Variants in WWC1 observed in about 807,000 individuals in gnomAD.
WWC1 encodes the protein protein KIBRA.
A neutral mutation model predicts 138.4 loss-of-function variants in WWC1; 55 were observed. The ratio of observed to expected loss-of-function variants is 0.40; its 90% CI spans 0.32 to 0.50. WWC1 has a LOEUF of 0.50. Ranked by LOEUF, WWC1 falls within the 20% of genes least tolerant of loss-of-function variation. The pLI, the probability that WWC1 is intolerant of heterozygous loss-of-function variation, is 0.72. For missense variants in WWC1, 1,226 were observed against 1,420.4 expected, an observed-to-expected ratio of 0.86 and a Z score of 2.20; for synonymous variants, 524 against 564.9, an observed-to-expected ratio of 0.93 and a Z score of 1.03.
chr5:168,302,699 G>C (rs1383138688), intron 1 of WWC1, among the ~76,000 whole-genome samples: 1 of 152,156 alleles, frequency 6.6e-6, no homozygotes, highest in African/African-American at 2.4e-5. Flanking sequence ...TGCAAATATA[G>C]TAGAAATACC....
chr5:168,311,887 A>AAAG (rs1255372187), intron 1 of WWC1, among the ~76,000 whole-genome samples: 1 of 151,656 alleles, frequency 6.6e-6, no homozygotes, highest in African/African-American at 2.4e-5. Context: ...AAAAAAAAAA[A>AAAG]AAATTACAAA....
chr5:168,396,652 T>C (rs1259044125), intron 3 of WWC1, among the ~76,000 whole-genome samples: 1 of 152,236 alleles, frequency 6.6e-6, no homozygotes, highest in Non-Finnish European at 1.5e-5. Flanking sequence ...TTACCAGTTA[T>C]GAGGCTCAGA....
At chr5:168,351,794 G>A (rs113186593) in intron 1 of WWC1, among the ~76,000 whole-genome samples, 3 of 152,208 alleles carry the variant, frequency 2.0e-5, no homozygotes, top group African/African-American at 7.2e-5. Context: ...TGCACCACGT[G>A]CCGCCTGCCC....
intron 1 of WWC1, among the ~76,000 whole-genome samples, chr5:168,350,592 T>C (rs1774866359): frequency 6.6e-6 from 1 of 152,276 alleles, no homozygotes; most frequent in East Asian, 1.9e-4. Context: ...TAAACATTGT[T>C]CTGTTTTTCT....
intron 5 of WWC1, among the ~76,000 whole-genome samples, chr5:168,400,987 GA>G (rs1415633911): frequency 2.0e-5 from 3 of 149,794 alleles, no homozygotes; most frequent in Non-Finnish European, 4.4e-5. Flanking sequence ...TCTCTCCAAA[GA>G]AAGAAAGAAA....
Position 168,306,007 on chromosome 5 carries a change from G to T in WWC1, c.119+13736G>T, listed in dbSNP as rs372744261. Among the ~76,000 whole-genome samples the T allele has an allele frequency of 4.6e-5, 7 of 152,340 alleles. No homozygotes were observed. In the South Asian group the frequency reaches 6.2e-4, roughly 14 times the overall value. ...AAGGGGACAAGTGCCATAGGAATAT[G>T]AGATATTTTAAAACCTAATATGTAT... On this transcript the variant is annotated intron_variant, in intron 1 of 22. Coordinates refer to ENST00000265293, the MANE Select transcript of WWC1 (RefSeq NM_015238.3).
chr5:168,381,739 G>T (rs1777648591), intron 2 of WWC1, among the ~76,000 whole-genome samples: 2 of 149,734 alleles, frequency 1.3e-5, no homozygotes, highest in South Asian at 4.2e-4. Context: ...TCTTCGGGGG[G>T]TGGGGTGGGG....
chr5:168,321,819 G>T (rs1017182187), intron 1 of WWC1, among the ~76,000 whole-genome samples: 3 of 152,264 alleles, frequency 2.0e-5, no homozygotes, highest in Non-Finnish European at 2.9e-5. Flanking sequence ...TTACAGGCGT[G>T]AGCCACGGTG....
intron 13 of WWC1, among the ~76,000 whole-genome samples, chr5:168,429,383 C>T (rs1259470026): frequency 6.6e-6 from 1 of 151,558 alleles, no homozygotes; most frequent in Non-Finnish European, 1.5e-5. Context: ...CTCAGCCTCC[C>T]AAGTAGCTGG....
intron 16 of WWC1, among the ~76,000 whole-genome samples, chr5:168,443,735 T>G (rs979731279): frequency 6.6e-6 from 1 of 152,200 alleles, no homozygotes; most frequent in Non-Finnish European, 1.5e-5. Flanking sequence ...CTCTTTCCCT[T>G]CTTACAAGAA....
Position 168,400,358 on chromosome 5 carries a change from G to C in WWC1, c.590+791G>C, listed in dbSNP as rs565129076. Among the ~76,000 whole-genome samples, 4 of 152,226 alleles carry C rather than the reference G, an allele frequency of 2.6e-5. No homozygotes were observed. In the South Asian group the frequency reaches 8.3e-4, roughly 32 times the overall value. On this transcript the variant is annotated intron_variant, in intron 5 of 22. Transcript: ENST00000265293. ...ACCCTCCACCCTCCCAGAGGCCTCA[G>C]TCTGTGTTTTTCCCCTCTATGTGTC...
At chr5:168,356,649 G>A (rs934267078) in intron 1 of WWC1, among the ~76,000 whole-genome samples, 1 of 152,208 alleles carries the variant, frequency 6.6e-6, no homozygotes, top group African/African-American at 2.4e-5. Context: ...TTCGAGTAGA[G>A]CTATCCAAGG....
chr5:168,337,076 A>G (rs549527911), intron 1 of WWC1, among the ~76,000 whole-genome samples: 1 of 152,286 alleles, frequency 6.6e-6, no homozygotes, highest in South Asian at 2.1e-4. Context: ...GATCCAAGTG[A>G]CATCCTAAGA....
intron 1 of WWC1, among the ~76,000 whole-genome samples, chr5:168,350,808 C>G (rs541962957): frequency 5.3e-5 from 8 of 152,086 alleles, no homozygotes; most frequent in Non-Finnish European, 1.0e-4. Flanking sequence ...ACTGGTGCAC[C>G]CTCTTCCCAA....
At chr5:168,307,026 C>A (rs958741650) in intron 1 of WWC1, among the ~76,000 whole-genome samples, 1 of 152,244 alleles carries the variant, frequency 6.6e-6, no homozygotes, top group African/African-American at 2.4e-5. Flanking sequence ...GACACTACCA[C>A]CATATAGATC....
intron 6 of WWC1, 146 bp from the exon 7 acceptor site, chr5:168,408,361 T>C (rs989954373): frequency 4.3e-6 from 4 of 935,814 alleles, no homozygotes; most frequent in Admixed American, 2.5e-5. Flanking sequence ...CACTGCTAGC[T>C]CTCTATCACA....
rs992843897 is a variant in WWC1, at chr5:168,292,486, C to G, written c.119+215C>G. Among the ~76,000 whole-genome samples, 8 of 152,160 alleles carry G rather than the reference C, an allele frequency of 5.3e-5. No individual in the cohort carries two copies. The highest frequency in any genetic ancestry group is 5.2e-4 in the Admixed American group (8 of 15,306). ...GGAGGCGCCTGCCGGGGAGCTGGCC[C>G]AGGCTGCCCCACCGCCATCCCCAGT... On this transcript the variant is annotated intron_variant, in intron 1 of 22. Coordinates refer to ENST00000265293, the MANE Select transcript of WWC1 (RefSeq NM_015238.3). The surrounding 1 kb of genome is among the most constrained non-coding windows in gnomAD (Gnocchi z 4.4).
chr5:168,421,953 G>C, intron 9 of WWC1, 55 bp from the exon 10 acceptor site: 1 of 1,488,748 alleles, frequency 6.7e-7, no homozygotes, highest in Non-Finnish European at 9.3e-7. Context: ...ATGGGTAAGA[G>C]TGCATGCCTG....
At chr5:168,381,609 C>G (rs956699061) in intron 2 of WWC1, among the ~76,000 whole-genome samples, 1 of 152,104 alleles carries the variant, frequency 6.6e-6, no homozygotes, top group Non-Finnish European at 1.5e-5. Context: ...AAAAAATTCT[C>G]CCGGGTGATT....
Sources: allele counts gnomAD v4.1 joint callset (sites outside exome capture counted in the v4.1 genomes callset), GRCh38; gene constraint gnomAD v4.1.1; non-coding constraint Gnocchi (gnomAD v3.1); transcripts MANE v1.5; gene names NCBI Gene and HGNC (gene_info 2026-07-23, HGNC 2026-07-21).